Variants in PDZD8 observed in about 807,000 individuals in gnomAD.
PDZD8 encodes PDZ domain containing 8, also known as PDZ domain-containing protein 8.
A neutral mutation model predicts 85.8 loss-of-function variants in PDZD8; 14 were observed. That is an observed-to-expected ratio of 0.16 (90% confidence interval 0.11 to 0.26). The LOEUF is 0.26. Among genes scored for constraint, PDZD8 ranks in the 10% least tolerant of loss-of-function variants. The pLI, the probability that PDZD8 is intolerant of heterozygous loss-of-function variation, is 1.00. For missense variants in PDZD8, 1,197 were observed against 1,424.3 expected (o/e 0.84, Z 2.57); for synonymous variants, 592 against 568.6 (o/e 1.04, Z -0.59).
chr10:117,281,664 G>A lies in PDZD8; in HGVS notation c.*1604C>T, dbSNP rs1844577817. The A allele has an allele frequency of 6.6e-6, 1 of 152,150 alleles. No individual in the cohort carries two copies. Among genetic ancestry groups the A allele is most frequent in the Non-Finnish European group, 1.5e-5 (1 of 68,030 alleles). 9.4% of individuals were successfully genotyped at this position (152,150 alleles called of 1,614,324 possible). On this transcript the variant is annotated 3_prime_UTR_variant, in exon 5 of 5. Transcript: ENST00000334464. Reference sequence around the variant, plus strand: ...CCCTCACAACAATACTGTGAGGGAGGTAAAGTATTATTATTCCCATTTTAG... The same window carrying A: ...CCCTCACAACAATACTGTGAGGGAGATAAAGTATTATTATTCCCATTTTAG...
chr10:117,314,881 T>C (rs1005932609), intron 3 of PDZD8, among the ~76,000 whole-genome samples: 1 of 152,210 alleles, frequency 6.6e-6, no homozygotes, highest in African/African-American at 2.4e-5. Context: ...TGGTCTCTTA[T>C]GAAAGGCAAT....
At chr10:117,360,339 T>G (rs925481792) in intron 1 of PDZD8, among the ~76,000 whole-genome samples, 1 of 151,564 alleles carries the variant, frequency 6.6e-6, no homozygotes, top group South Asian at 2.1e-4. Flanking sequence ...CAACCCACAA[T>G]GTAAGGGTCC....
chr10:117,308,674 C>T (rs1415823357), intron 3 of PDZD8, among the ~76,000 whole-genome samples: 1 of 152,034 alleles, frequency 6.6e-6, no homozygotes, highest in East Asian at 1.9e-4. Context: ...TGATATAGTA[C>T]TAGTTAAGAA....
At chr10:117,339,978 T>C (rs1361413620) in intron 2 of PDZD8, among the ~76,000 whole-genome samples, 1 of 152,162 alleles carries the variant, frequency 6.6e-6, no homozygotes, top group Non-Finnish European at 1.5e-5. Context: ...AGATTTGCAT[T>C]TTGAAAAGAT....
chr10:117,312,644 T>C (rs1215801469), intron 3 of PDZD8, among the ~76,000 whole-genome samples: 2 of 152,234 alleles, frequency 1.3e-5, no homozygotes, highest in South Asian at 2.1e-4. Flanking sequence ...TTTATCTTCA[T>C]TGCTCTACAG....
intron 2 of PDZD8, among the ~76,000 whole-genome samples, chr10:117,326,645 TTAGC>T (rs1211090107): frequency 4.1e-5 from 5 of 122,486 alleles, no homozygotes; most frequent in East Asian, 4.4e-4. Flanking sequence ...GTGGTTAACT[TTAGC>T]AACATCTCTA....
chr10:117,309,877 C>T (rs987855296), intron 3 of PDZD8, among the ~76,000 whole-genome samples: 2 of 152,072 alleles, frequency 1.3e-5, no homozygotes, highest in African/African-American at 4.8e-5. Flanking sequence ...GGACTCTTGA[C>T]TAAGGTCATG....
chr10:117,322,360 G>C (rs935340215), intron 2 of PDZD8, among the ~76,000 whole-genome samples: 1 of 152,092 alleles, frequency 6.6e-6, no homozygotes, highest in Non-Finnish European at 1.5e-5. Context: ...TCTTCCTCAG[G>C]AAGCCCGGAA....
Position 117,340,902 on chromosome 10 carries a change from CA to C in PDZD8, c.995+77del, listed in dbSNP as rs998109508. On this transcript the variant is annotated intron_variant, in intron 2 of 4. Coordinates refer to ENST00000334464, the MANE Select transcript of PDZD8 (RefSeq NM_173791.5). The stretch of plus-strand genomic sequence containing the variant: ...AAATAATATAATTTAAATGAACACA[CA>C]ACACAAATACTGCTTAGGAATATTT... 6 of 1,482,182 alleles carry C rather than the reference CA, an allele frequency of 4.0e-6. No homozygotes were observed. The Admixed American group carries it at 9.9e-5, about 24-fold the overall frequency. The allele number at this position is 1,482,182 out of a possible 1,614,324, so 91.8% of individuals were successfully genotyped here.
intron 3 of PDZD8, among the ~76,000 whole-genome samples, chr10:117,297,525 G>T (rs1177182568): frequency 6.6e-6 from 1 of 152,112 alleles, no homozygotes; most frequent in African/African-American, 2.4e-5. Context: ...AACACAAATA[G>T]CAAGTGGTCC....
chr10:117,343,355 C>T (rs971346184), intron 1 of PDZD8, among the ~76,000 whole-genome samples: 4 of 151,664 alleles, frequency 2.6e-5, no homozygotes, highest in Non-Finnish European at 5.9e-5. Flanking sequence ...CAGAAAGCCC[C>T]CCGAGTTTCT....
intron 3 of PDZD8, among the ~76,000 whole-genome samples, chr10:117,308,480 A>T (rs1211717568): frequency 1.3e-5 from 2 of 152,164 alleles, no homozygotes; most frequent in Non-Finnish European, 2.9e-5. Flanking sequence ...TAAGTTAAAT[A>T]ATAATAGATA....
chr10:117,285,375 T>C lies in PDZD8; in HGVS notation c.1358A>G (p.Asn453Ser), dbSNP rs959395060. The change falls in exon 5 of 5, where the codon AAT becomes AGT. Residue 453 changes from asparagine to serine, a missense_variant. Around this residue, in one of 4 missense-constraint regions of PDZD8, gnomAD observed 263 missense variants for 261.9 expected, o/e 1.00. Transcript: ENST00000334464. Reference protein sequence around the residue: ...VYYERPVGQSNQGAVLQDNFG... With the variant: ...VYYERPVGQSSQGAVLQDNFG... ...GTTATCTTGCAGCACTGCACCTTGA[T>C]TACTCTGGCCAACAGGCCTTTCATA... 2.0e-5 allele frequency: 32 copies of C among 1,614,068 alleles called. No homozygotes were observed. The highest frequency in any genetic ancestry group is 2.6e-5 in the Non-Finnish European group (31 of 1,180,040).
chr10:117,333,823 C>T (rs1033530395), intron 2 of PDZD8, among the ~76,000 whole-genome samples: 5 of 152,162 alleles, frequency 3.3e-5, no homozygotes, highest in Non-Finnish European at 7.3e-5. Context: ...ATATGTGAAT[C>T]AAGACCAGAT....
intron 1 of PDZD8, among the ~76,000 whole-genome samples, chr10:117,356,358 TA>T (rs1844894808): frequency 1.3e-5 from 2 of 152,334 alleles, no homozygotes; most frequent in African/African-American, 4.8e-5. Context: ...AGGTTATCAT[TA>T]AAATTTGAAA....
intron 1 of PDZD8, among the ~76,000 whole-genome samples, chr10:117,341,440 C>T (rs1365990496): frequency 6.6e-6 from 1 of 152,136 alleles, no homozygotes; most frequent in Admixed American, 6.5e-5. Flanking sequence ...GGTACAAGAT[C>T]AAAATTCAGA....
chr10:117,306,892 A>C (rs761583361), intron 3 of PDZD8, among the ~76,000 whole-genome samples: 1 of 152,148 alleles, frequency 6.6e-6, no homozygotes, highest in Non-Finnish European at 1.5e-5. Context: ...TTAAGCATGT[A>C]TTACCTAACA....
At chr10:117,360,718 T>C (rs1844983103) in intron 1 of PDZD8, among the ~76,000 whole-genome samples, 1 of 151,618 alleles carries the variant, frequency 6.6e-6, no homozygotes, top group Non-Finnish European at 1.5e-5. Context: ...CCTTGTGTCT[T>C]ACAATACCAA....
At chr10:117,357,765 C>A (rs1475945549) in intron 1 of PDZD8, among the ~76,000 whole-genome samples, 3 of 28,250 alleles carry the variant, frequency 1.1e-4, no homozygotes, top group East Asian at 2.0e-3. Context: ...GACTTCATCT[C>A]CAAAAAAAAA....
Sources: gnomAD v4.1 joint callset for allele counts (sites outside exome capture counted in the v4.1 genomes callset) on GRCh38, gnomAD v4.1.1 for gene constraint, gnomAD v4.1.1 regional missense constraint, MANE v1.5 for transcripts, NCBI Gene and HGNC (gene_info 2026-07-23, HGNC 2026-07-21) for gene names.